The following PCDHA9 variants were observed in gnomAD, a reference collection of about 807,000 sequenced individuals.
PCDHA9 encodes protocadherin alpha-9.
A neutral mutation model predicts 62.0 loss-of-function variants in PCDHA9; 62 were observed. That is an observed-to-expected ratio of 1.00 (90% CI 0.81 to 1.23). PCDHA9 has a LOEUF of 1.23. Among genes scored for constraint, PCDHA9 ranks in the 50% most tolerant of loss-of-function variants. The probability of loss-of-function intolerance (pLI) is 0.00; values close to 1 mark genes in which losing one functional copy is unlikely to be tolerated. For missense variants in PCDHA9, 1,205 were observed against 1,249.8 expected, an observed-to-expected ratio of 0.96 and a Z score of 0.54; for synonymous variants, 557 against 567.6, an observed-to-expected ratio of 0.98 and a Z score of 0.27.
At chr5:140,941,286 CTCTTTCTT>C (rs5871754) in intron 1 of PCDHA9, among the ~76,000 whole-genome samples, 8 of 106,846 alleles carry the variant, frequency 7.5e-5, no homozygotes, top group East Asian at 5.2e-4. Context: ...TCCTTCCTTT[CTCTTTCTT>C]TCTTTCTTTC....
At chr5:140,946,345 G>A (rs1292610586) in intron 1 of PCDHA9, among the ~76,000 whole-genome samples, 1 of 151,836 alleles carries the variant, frequency 6.6e-6, no homozygotes, top group Non-Finnish European at 1.5e-5. Flanking sequence ...GTGATGGAGA[G>A]GATGTGGAGA....
chr5:140,870,774 G>GAACGAC (rs781868424), intron 1 of PCDHA9: 1 of 1,613,632 alleles, frequency 6.2e-7, no homozygotes, highest in South Asian at 1.1e-5. Context: ...TGCTGGACGA[G>GAACGAC]AACGACAACG....
intron 3 of PCDHA9, 42 bp downstream of exon 3, chr5:140,982,605 A>G: frequency 1.9e-6 from 3 of 1,605,520 alleles, no homozygotes; most frequent in Non-Finnish European, 2.6e-6. Flanking sequence ...GGTTTCTGGA[A>G]AGTGATCAGA....
In PCDHA9 at chr5:140,857,043, A is replaced by T. The variant is rs201811819; in HGVS notation, c.2394+6154A>T. Reference sequence around the variant, plus strand: ...AAGGGAAACCCACCTATGGTTGGTCACTGCACGGTCCTAGTGGAACTACTG... The same window carrying T: ...AAGGGAAACCCACCTATGGTTGGTCTCTGCACGGTCCTAGTGGAACTACTG... On this transcript the variant is annotated intron_variant, in intron 1 of 3. Transcript: ENST00000532602. 81 of 1,595,818 alleles carry T rather than the reference A, an allele frequency of 5.1e-5. 4 individuals carry two copies. The highest frequency in any genetic ancestry group is 1.5e-5 in the Non-Finnish European group (18 of 1,165,582).
chr5:140,857,805 C>G, intron 1 of PCDHA9: 2 of 1,597,714 alleles, frequency 1.3e-6, no homozygotes, highest in Non-Finnish European at 1.7e-6. Flanking sequence ...TCGGTGGTTG[C>G]GGGTCACGTG....
Position 140,849,827 on chromosome 5 carries a change from G to T in PCDHA9, c.1332G>T (p.Glu444Asp), listed in dbSNP as rs1554143366. ...GGGCCACGGCCAGGGTGTCTGTGGA[G>T]GTGGCCGACGTGAACGACAACGCAC... Reference protein sequence around the residue: ...SLWATARVSVEVADVNDNAPA... With the variant: ...SLWATARVSVDVADVNDNAPA... The change falls in exon 1 of 4, where the codon GAG becomes GAT. Residue 444 changes from glutamate (E) to aspartate (D), a missense_variant. This residue lies in a region of PCDHA9 where 887 missense variants were observed against 809.5 expected (regional missense o/e 1.10). Transcript: ENST00000532602. 1 of 1,598,480 alleles carries T rather than the reference G, an allele frequency of 6.3e-7. No individual in the cohort carries two copies. Among genetic ancestry groups the T allele is most frequent in the Non-Finnish European group, 8.6e-7 (1 of 1,168,012 alleles).
intron 1 of PCDHA9, chr5:140,867,389 A>T (rs906088628): frequency 6.6e-5 from 10 of 152,166 alleles, no homozygotes; most frequent in Non-Finnish European, 1.2e-4. Context: ...TAACGGTTAT[A>T]AAAGTTGATA....
At chr5:140,853,981 T>C (rs1380460625) in intron 1 of PCDHA9, 1 of 543,664 alleles carries the variant, frequency 1.8e-6, no homozygotes, top group East Asian at 1.4e-4. Context: ...GAGACCAATG[T>C]AGTGAGACTC....
At chr5:140,981,537 G>C (rs375537131) in intron 2 of PCDHA9, among the ~76,000 whole-genome samples, 2 of 152,290 alleles carry the variant, frequency 1.3e-5, no homozygotes, top group East Asian at 3.9e-4. Context: ...TCGTGCCACT[G>C]TACTCCAGCC....
chr5:140,896,561 G>C (rs1562891119), intron 1 of PCDHA9, among the ~76,000 whole-genome samples: 2 of 150,758 alleles, frequency 1.3e-5, no homozygotes, highest in Non-Finnish European at 2.9e-5. Flanking sequence ...ATTTTAAGTA[G>C]AGATGGGGTT....
At chr5:140,865,328 G>C (rs2048826529) in intron 1 of PCDHA9, 2 of 152,116 alleles carry the variant, frequency 1.3e-5, no homozygotes. Flanking sequence ...CTTTAATTCT[G>C]TGTAAAGAAA....
chr5:140,884,403 T>A, intron 1 of PCDHA9: 1 of 1,613,992 alleles, frequency 6.2e-7, no homozygotes, highest in Middle Eastern at 1.6e-4. Context: ...AGCCTGTTGG[T>A]GCTCACGTTG....
At chr5:140,997,465 A>G (rs1427334533) in intron 3 of PCDHA9, among the ~76,000 whole-genome samples, 1 of 152,182 alleles carries the variant, frequency 6.6e-6, no homozygotes, top group Non-Finnish European at 1.5e-5. Flanking sequence ...ACTGTAGGCA[A>G]TTTTTACACA....
chr5:140,916,732 C>A (rs2077701110), intron 1 of PCDHA9, among the ~76,000 whole-genome samples: 1 of 152,178 alleles, frequency 6.6e-6, no homozygotes, highest in South Asian at 2.1e-4. Flanking sequence ...TTTGTTGCTG[C>A]AAGCTTCACT....
chr5:140,929,058 A>G (rs372120484), intron 1 of PCDHA9: 2 of 1,614,072 alleles, frequency 1.2e-6, no homozygotes, highest in African/African-American at 2.7e-5. Context: ...GTCGCTCTAC[A>G]GAGGATCTGA....
chr5:140,851,315 T>C (rs2042026513), intron 1 of PCDHA9: 1 of 992,586 alleles, frequency 1.0e-6, no homozygotes, highest in African/African-American at 1.7e-5. Context: ...AATTGTTACC[T>C]TGTTAAGTTT....
chr5:140,969,404 G>A (rs1345885868), intron 1 of PCDHA9: 2 of 1,577,250 alleles, frequency 1.3e-6, no homozygotes, highest in Admixed American at 1.9e-5. Context: ...CTGTGATTTG[G>A]CTTTATTGAG....
At chr5:140,924,464 G>A (rs1358240470) in intron 1 of PCDHA9, among the ~76,000 whole-genome samples, 1 of 152,196 alleles carries the variant, frequency 6.6e-6, no homozygotes, top group Non-Finnish European at 1.5e-5. Flanking sequence ...TGTTTAGGGA[G>A]GTAACTGGTT....
chr5:140,980,857 T>C (rs2153822974), intron 2 of PCDHA9, among the ~76,000 whole-genome samples: 1 of 152,334 alleles, frequency 6.6e-6, no homozygotes. Flanking sequence ...ATCTTTTTCG[T>C]ATGTGTGCTT....
Sources: allele counts gnomAD v4.1 joint callset (sites outside exome capture counted in the v4.1 genomes callset), GRCh38; gene constraint gnomAD v4.1.1; regional missense constraint gnomAD v4.1.1; transcripts MANE v1.5; gene names NCBI Gene and HGNC (gene_info 2026-07-23, HGNC 2026-07-21).